COL25A1: variants seen among roughly 807,000 people sequenced by gnomAD.
COL25A1 encodes collagen alpha-1(XXV) chain.
COL25A1 carries 103 observed loss-of-function variants against 128.4 expected under a neutral mutation model. That is an observed-to-expected ratio of 0.80 (90% CI 0.68 to 0.94). The LOEUF is 0.94. COL25A1 is among the 40% of genes least tolerant of loss of function. COL25A1 has a pLI of 0.00. For synonymous variants in COL25A1, 279 were observed against 277.2 expected, an observed-to-expected ratio of 1.01 and a Z score of -0.06; for missense variants, 745 against 840.0, an observed-to-expected ratio of 0.89 and a Z score of 1.40.
chr4:109,212,577 T>G (rs1169139685), intron 3 of COL25A1, among the ~76,000 whole-genome samples: 7 of 152,104 alleles, frequency 4.6e-5, no homozygotes, highest in African/African-American at 1.7e-4. Flanking sequence ...TAAACTCCAT[T>G]TCATGATATG....
Position 108,984,538 on chromosome 4 carries a change from C to T in COL25A1, c.439-9979G>A, listed in dbSNP as rs368233305. Among the ~76,000 whole-genome samples, 480 of 152,312 alleles carry T rather than the reference C, an allele frequency of 3.2e-3. 2 individuals carry two copies. Among genetic ancestry groups the T allele is most frequent in the African/African-American group, 0.011 (450 of 41,574 alleles). ...GGGCTGCAGGTCCCGAGCCCTGCCC[C>T]GCGGGAAGGCAGCTAAGGCCCAGCG... On this transcript the variant is annotated intron_variant, in intron 6 of 37. Coordinates refer to ENST00000399132, the MANE Select transcript of COL25A1 (RefSeq NM_198721.4).
rs979497024 is a variant in COL25A1, at chr4:108,896,243, C to T, written c.906+424G>A. On this transcript the variant is annotated intron_variant, in intron 16 of 37. Coordinates refer to ENST00000399132, the MANE Select transcript of COL25A1 (RefSeq NM_198721.4). ...GATTACAGGCCTGAGTCACTGTGCC[C>T]GGCCTCAAACTTGTAAATCTCATTC... 3.9e-5 allele frequency among the ~76,000 whole-genome samples: 6 copies of T among 151,922 alleles called. 1 individual carries two copies. The South Asian group carries it at 8.3e-4, about 21-fold the overall frequency.
intron 3 of COL25A1, among the ~76,000 whole-genome samples, chr4:109,182,099 T>C (rs183573965): frequency 4.1e-4 from 62 of 152,270 alleles, no homozygotes; most frequent in African/African-American, 1.3e-3. Flanking sequence ...CAGTTATCCA[T>C]TGACAGACAC....
At chr4:108,915,772 A>G (rs564424095) in intron 13 of COL25A1, among the ~76,000 whole-genome samples, 2 of 152,282 alleles carry the variant, frequency 1.3e-5, no homozygotes, top group South Asian at 4.1e-4. Context: ...AAGCATCAAA[A>G]GTAATCTTTT....
chr4:109,072,401 A>G (rs769102995), intron 3 of COL25A1, among the ~76,000 whole-genome samples: 1 of 152,178 alleles, frequency 6.6e-6, no homozygotes, highest in Non-Finnish European at 1.5e-5. Context: ...TGTATTTTGT[A>G]TGGATGAGTT....
intron 27 of COL25A1, 82 bp from the exon 28 acceptor site, chr4:108,846,301 C>G: frequency 1.1e-6 from 1 of 872,562 alleles, no homozygotes; most frequent in Non-Finnish European, 1.9e-6. Flanking sequence ...GAATTCCGAT[C>G]AATTTCGTTA....
At chr4:109,184,358 C>T (rs1774946363) in intron 3 of COL25A1, among the ~76,000 whole-genome samples, 1 of 152,140 alleles carries the variant, frequency 6.6e-6, no homozygotes, top group South Asian at 2.1e-4. Flanking sequence ...TGGAAACATT[C>T]TTTCTAACAT....
chr4:109,113,436 T>A (rs1458701545), intron 3 of COL25A1, among the ~76,000 whole-genome samples: 4 of 144,734 alleles, frequency 2.8e-5, no homozygotes, highest in Non-Finnish European at 6.2e-5. Context: ...TGTGTGTGTG[T>A]GATCTCAAAT....
chr4:109,143,181 T>A (rs1421034602), intron 3 of COL25A1, among the ~76,000 whole-genome samples: 1 of 152,232 alleles, frequency 6.6e-6, no homozygotes, highest in East Asian at 1.9e-4. Flanking sequence ...TTTGGCTGGA[T>A]ATGAAATTCT....
At chr4:108,873,107 G>A (rs1350425403) in intron 19 of COL25A1, among the ~76,000 whole-genome samples, 1 of 151,978 alleles carries the variant, frequency 6.6e-6, no homozygotes, top group Non-Finnish European at 1.5e-5. Context: ...TGCCCAGGCT[G>A]GTCTCGAACT....
At chr4:109,020,178 T>C (rs1276045056) in intron 5 of COL25A1, among the ~76,000 whole-genome samples, 1 of 152,228 alleles carries the variant, frequency 6.6e-6, no homozygotes, top group Non-Finnish European at 1.5e-5. Context: ...TCTCCCAATG[T>C]CTATAAGCTG....
intron 3 of COL25A1, among the ~76,000 whole-genome samples, chr4:109,141,364 T>C (rs1216658113): frequency 6.6e-6 from 1 of 152,212 alleles, no homozygotes; most frequent in African/African-American, 2.4e-5. Flanking sequence ...TTCACATCGA[T>C]GTTCATCAGG....
chr4:109,014,562 G>A (rs1757030974), intron 5 of COL25A1, among the ~76,000 whole-genome samples: 1 of 152,170 alleles, frequency 6.6e-6, no homozygotes, highest in Non-Finnish European at 1.5e-5. Flanking sequence ...CACAATGTGT[G>A]CATACACTTA....
At chr4:109,236,828 GTCTT>G (rs1303623910) in intron 3 of COL25A1, among the ~76,000 whole-genome samples, 1 of 151,812 alleles carries the variant, frequency 6.6e-6, no homozygotes, top group Non-Finnish European at 1.5e-5. Context: ...CTGGATATGA[GTCTT>G]TATTATATCT....
chr4:109,032,779 G>C (rs1038591411), intron 5 of COL25A1, among the ~76,000 whole-genome samples: 2 of 152,296 alleles, frequency 1.3e-5, no homozygotes, highest in Admixed American at 6.5e-5. Context: ...GGCTCGGCAG[G>C]TTCTTTCTGA....
At chr4:109,197,410 TATATTATATATTATATATAA>T (rs1436282990) in intron 3 of COL25A1, among the ~76,000 whole-genome samples, 2 of 126,362 alleles carry the variant, frequency 1.6e-5, no homozygotes, top group African/African-American at 6.0e-5. Context: ...ATATAAAATA[TATATTATATATTATATATAA>T]ATATTATATA....
At chr4:109,281,046 A>T (rs1208091773) in intron 3 of COL25A1, among the ~76,000 whole-genome samples, 1 of 152,242 alleles carries the variant, frequency 6.6e-6, no homozygotes, top group African/African-American at 2.4e-5. Flanking sequence ...AAGGAAGCAC[A>T]TCTTAAAATG....
chr4:109,219,699 A>G (rs2126207887), intron 3 of COL25A1, among the ~76,000 whole-genome samples: 1 of 152,252 alleles, frequency 6.6e-6, no homozygotes, highest in African/African-American at 2.4e-5. Context: ...GCAGCCTCCT[A>G]TGACTTTGTT....
At chr4:109,230,530 A>T (rs1249196194) in intron 3 of COL25A1, among the ~76,000 whole-genome samples, 1 of 152,132 alleles carries the variant, frequency 6.6e-6, no homozygotes, top group Non-Finnish European at 1.5e-5. Context: ...TGTGTTTAGC[A>T]CTCTGCAAAT....
Sources: gnomAD v4.1 joint callset for allele counts (sites outside exome capture counted in the v4.1 genomes callset) on GRCh38, gnomAD v4.1.1 for gene constraint, MANE v1.5 for transcripts, NCBI Gene and HGNC (gene_info 2026-07-23, HGNC 2026-07-21) for gene names.